Variants in CLVS1 observed in about 807,000 individuals in gnomAD.
CLVS1 encodes the protein clavesin-1.
Under a neutral mutation model 33.1 loss-of-function variants are expected in CLVS1, and 10 were observed. That is an observed-to-expected ratio of 0.30 (90% CI 0.19 to 0.51). The LOEUF (loss-of-function observed/expected upper bound fraction) is 0.51, where lower values mean the gene tolerates loss of function less well. Among genes scored for constraint, CLVS1 ranks in the 20% least tolerant of loss-of-function variants. The probability of loss-of-function intolerance (pLI) is 0.97; values close to 1 mark genes in which losing one functional copy is unlikely to be tolerated. For missense variants in CLVS1, 343 were observed against 433.4 expected (o/e 0.79, Z 1.85); for synonymous variants, 163 against 166.1 (o/e 0.98, Z 0.14).
chr8:61,456,758 A>G (rs1817175746), intron 4 of CLVS1, among the ~76,000 whole-genome samples: 1 of 151,830 alleles, frequency 6.6e-6, no homozygotes, highest in South Asian at 2.1e-4. Flanking sequence ...GTACTAAAAA[A>G]TACAAAAAAA....
At chr8:61,267,563 C>T (rs535367556) in intron 2 of CLVS1, among the ~76,000 whole-genome samples, 1 of 152,130 alleles carries the variant, frequency 6.6e-6, no homozygotes, top group African/African-American at 2.4e-5. Context: ...TTATCTTCAG[C>T]CTTGAAAGAT....
chr8:61,309,199 G>T (rs1810744054), intron 2 of CLVS1, among the ~76,000 whole-genome samples: 1 of 152,246 alleles, frequency 6.6e-6, no homozygotes, highest in Admixed American at 6.5e-5. Flanking sequence ...ATGTGAGTGG[G>T]AAGAAAGAAA....
chr8:61,401,268 T>C lies in CLVS1; in HGVS notation c.630+24489T>C, dbSNP rs1271932399. Among the ~76,000 whole-genome samples the C allele has an allele frequency of 5.3e-5, 8 of 152,088 alleles. No individual in the cohort carries two copies. In the East Asian group the frequency reaches 1.4e-3, roughly 26 times the overall value. Reference sequence around the variant, plus strand: ...CCCAATCTGGATACATTTTACTTATTTATTTTTTCTTGCTTAAATGCCCTG... The same window carrying C: ...CCCAATCTGGATACATTTTACTTATCTATTTTTTCTTGCTTAAATGCCCTG... On this transcript the variant is annotated intron_variant, in intron 3 of 5. Coordinates refer to ENST00000325897, the MANE Select transcript of CLVS1 (RefSeq NM_173519.3).
the CLVS1 span, among the ~76,000 whole-genome samples, chr8:61,031,476 A>T: frequency 6.6e-6 from 1 of 152,214 alleles, no homozygotes; most frequent in Non-Finnish European, 1.5e-5. Context: ...AAATGCTAAA[A>T]GGGCAATTTC....
At chr8:61,174,623 G>C (rs993815387) in intron 2 of CLVS1, among the ~76,000 whole-genome samples, 9 of 152,108 alleles carry the variant, frequency 5.9e-5, no homozygotes, top group African/African-American at 2.2e-4. Flanking sequence ...ATGACTTTTT[G>C]ACCATTATAA....
At chr8:61,142,039 G>GGA (rs1355812845) in intron 2 of CLVS1, among the ~76,000 whole-genome samples, 1 of 152,152 alleles carries the variant, frequency 6.6e-6, no homozygotes, top group African/African-American at 2.4e-5. Context: ...CCTCACCTCT[G>GGA]GATTATAAAC....
At chr8:61,415,135 G>T (rs1209088057) in intron 3 of CLVS1, among the ~76,000 whole-genome samples, 1 of 152,240 alleles carries the variant, frequency 6.6e-6, no homozygotes, top group East Asian at 1.9e-4. Flanking sequence ...TGTATTCTGA[G>T]ACCTTTTCCC....
chr8:61,253,154 G>C (rs571147649), intron 2 of CLVS1, among the ~76,000 whole-genome samples: 43 of 152,252 alleles, frequency 2.8e-4, no homozygotes, highest in African/African-American at 1.0e-3. Flanking sequence ...TGTCTGAAAA[G>C]TATTTTATTT....
At chr8:61,485,962 G>T (rs1369439482) in intron 5 of CLVS1, among the ~76,000 whole-genome samples, 1 of 152,120 alleles carries the variant, frequency 6.6e-6, no homozygotes, top group African/African-American at 2.4e-5. Context: ...TGGGGGCAGT[G>T]GGGAGGGATA....
intron 1 of CLVS1, among the ~76,000 whole-genome samples, chr8:61,064,365 A>C (rs1012248430): frequency 4.6e-5 from 7 of 152,138 alleles, no homozygotes; most frequent in African/African-American, 1.7e-4. Context: ...CAATTTCTTC[A>C]CAACTTTGCC....
At chr8:61,318,411 A>G (rs1259664229) in intron 2 of CLVS1, among the ~76,000 whole-genome samples, 1 of 152,230 alleles carries the variant, frequency 6.6e-6, no homozygotes, top group African/African-American at 2.4e-5. Flanking sequence ...GATACCAGGA[A>G]TACAGAGCTG....
chr8:61,293,371 G>A (rs927574932), intron 1 of CLVS1, among the ~76,000 whole-genome samples: 2 of 152,156 alleles, frequency 1.3e-5, no homozygotes, highest in Admixed American at 1.3e-4. Flanking sequence ...CAGTACTCAT[G>A]CAGAAGTCCT....
chr8:61,087,660 G>A (rs1299214687), intron 1 of CLVS1, among the ~76,000 whole-genome samples: 2 of 152,176 alleles, frequency 1.3e-5, no homozygotes, highest in Non-Finnish European at 2.9e-5. Flanking sequence ...AGTCAAATAA[G>A]ATGACTGTAG....
chr8:61,307,673 C>T (rs1350871455), intron 2 of CLVS1, among the ~76,000 whole-genome samples: 5 of 151,960 alleles, frequency 3.3e-5, no homozygotes, highest in Non-Finnish European at 7.4e-5. Flanking sequence ...CTTACATTTG[C>T]CTTTTATTGC....
intron 2 of CLVS1, among the ~76,000 whole-genome samples, chr8:61,343,238 T>C (rs1041877650): frequency 2.0e-5 from 3 of 152,212 alleles, no homozygotes; most frequent in Non-Finnish European, 2.9e-5. Flanking sequence ...TATAGCAAAA[T>C]GTTTGTTTTT....
intron 1 of CLVS1, among the ~76,000 whole-genome samples, chr8:61,088,257 G>A (rs1805161288): frequency 6.6e-6 from 1 of 152,172 alleles, no homozygotes; most frequent in Non-Finnish European, 1.5e-5. Flanking sequence ...GGGAGACCGA[G>A]GTGGGCAGAT....
At chr8:61,223,177 A>G (rs6985602) in intron 2 of CLVS1, among the ~76,000 whole-genome samples, 23,092 of 152,086 alleles carry the variant, frequency 0.15, 2,582 homozygotes, top group African/African-American at 0.32. Context: ...GCCCATTTAC[A>G]TTTAAGGTTT....
the CLVS1 span, among the ~76,000 whole-genome samples, chr8:61,039,662 T>C: frequency 2.0e-5 from 3 of 152,084 alleles, no homozygotes; most frequent in African/African-American, 7.2e-5. Flanking sequence ...TGCCTCAGCC[T>C]CCTGAGTAGC....
chr8:61,449,674 G>T (rs146561945), intron 3 of CLVS1, among the ~76,000 whole-genome samples: 31 of 152,082 alleles, frequency 2.0e-4, no homozygotes, highest in African/African-American at 6.3e-4. Context: ...GCTTTTTATT[G>T]ATTTATTTGT....
Sources: allele counts gnomAD v4.1 joint callset (sites outside exome capture counted in the v4.1 genomes callset), GRCh38; gene constraint gnomAD v4.1.1; transcripts MANE v1.5; gene names NCBI Gene and HGNC (gene_info 2026-07-23, HGNC 2026-07-21).